ARFIP2: variants seen among roughly 807,000 people sequenced by gnomAD.
The protein encoded by ARFIP2 is arfaptin-2.
A neutral mutation model predicts 39.2 loss-of-function variants in ARFIP2; 14 were observed. That is an observed-to-expected ratio of 0.36 (90% CI 0.24 to 0.56). ARFIP2 has a LOEUF of 0.56. Among genes scored for constraint, ARFIP2 ranks in the 20% least tolerant of loss-of-function variants. The pLI, the probability that ARFIP2 is intolerant of heterozygous loss-of-function variation, is 0.85. For synonymous variants in ARFIP2, 167 were observed against 172.4 expected, an observed-to-expected ratio of 0.97 and a Z score of 0.24; for missense variants, 305 against 422.5, an observed-to-expected ratio of 0.72 and a Z score of 2.44.
chr11:6,480,743 AGG>A (rs1320967443), intron 1 of ARFIP2: 9 of 255,174 alleles, frequency 3.5e-5, no homozygotes, highest in Non-Finnish European at 6.8e-5. Flanking sequence ...ACTATGTGTC[AGG>A]CACTATTTGT....
chr11:6,480,115 G>T, intron 2 of ARFIP2, 47 bp from the exon 3 acceptor site: 1 of 1,550,656 alleles, frequency 6.4e-7, no homozygotes, highest in Non-Finnish European at 8.9e-7. Flanking sequence ...AGGGGCTGCA[G>T]AAGCATTTTG....
chr11:6,479,371 T>C (rs1219171872), intron 3 of ARFIP2, 113 bp from the exon 4 acceptor site: 2 of 1,600,736 alleles, frequency 1.2e-6, no homozygotes, highest in Admixed American at 1.7e-5. Flanking sequence ...AAGGAGATGC[T>C]AGAGACAACT....
intron 2 of ARFIP2, 74 bp downstream of exon 2, chr11:6,480,249 A>G: frequency 6.7e-7 from 1 of 1,486,264 alleles, no homozygotes; most frequent in Non-Finnish European, 9.3e-7. Context: ...GGCTACTGGA[A>G]TGGAGGGTGA....
chr11:6,477,850 A>T lies in ARFIP2; in HGVS notation c.738T>A (p.Ser246Arg). 1 of 1,613,716 alleles carries T rather than the reference A, an allele frequency of 6.2e-7. No individual in the cohort carries two copies. The highest frequency in any genetic ancestry group is 8.5e-7 in the Non-Finnish European group (1 of 1,179,906). The change falls in exon 7 of 8, where the codon AGT (serine) becomes AGA (arginine). Residue 246 changes from serine to arginine, a missense_variant. Ser to Arg is a moderately radical substitution (Grantham distance 110, BLOSUM62 -1). Transcript: ENST00000396777. This position sits in a 1 kb window ranked among gnomAD's most constrained non-coding sequence, Gnocchi z 4.8. ...DAYRTDLEELSLGPRDAGTRG... is the reference protein window; with the variant it reads ...DAYRTDLEELRLGPRDAGTRG... ...GTGTCCCTGCATCCCGGGGGCCTAG[A>T]CTCAGCTCCTCTAAGTCTGTTCGGT...
chr11:6,480,173 G>C, intron 2 of ARFIP2, 105 bp from the exon 3 acceptor site: 1 of 1,291,038 alleles, frequency 7.7e-7, no homozygotes, highest in African/African-American at 1.5e-5. Context: ...TAGTACACAA[G>C]GGAAGTCTGC....
Position 6,478,271 on chromosome 11 carries a change from C to T in ARFIP2, c.538-73G>A. 12 of 1,557,536 alleles carry T rather than the reference C, an allele frequency of 7.7e-6. No individual in the cohort carries two copies. The highest frequency in any genetic ancestry group is 1.1e-5 in the Non-Finnish European group (12 of 1,137,456). ...ACTGAAGCTGTAGAGCCCTTCATTC[C>T]CCTCCTCCCCGGGGAGGACACAGCC... On this transcript the variant is annotated intron_variant, in intron 5 of 7. Coordinates refer to ENST00000396777, the MANE Select transcript of ARFIP2 (RefSeq NM_001376558.2). The surrounding 1 kb of genome is among the most constrained non-coding windows in gnomAD (Gnocchi z 4.8).
Position 6,478,458 on chromosome 11 carries a change from G to T in ARFIP2, c.538-260C>A. The T allele has an allele frequency of 9.2e-7, 1 of 1,081,468 alleles. No individual in the cohort carries two copies. The highest frequency in any genetic ancestry group is 1.6e-5 in the African/African-American group (1 of 62,692). The allele number at this position is 1,081,468 out of a possible 1,614,324, so 67.0% of individuals were successfully genotyped here. On this transcript the variant is annotated intron_variant, in intron 5 of 7. Coordinates refer to ENST00000396777, the MANE Select transcript of ARFIP2 (RefSeq NM_001376558.2). This position sits in a 1 kb window ranked among gnomAD's most constrained non-coding sequence, Gnocchi z 4.8. ...TCTGAGAGCTAGTGTGGCAAGCAGG[G>T]GAGGGGCTCTGATTAGGCTGAGCAC... is the stretch of plus-strand genomic sequence containing the variant.
In ARFIP2 at chr11:6,477,701, G is replaced by A. The variant is rs769137536; in HGVS notation, c.870+17C>T. ...AGATGGAAAGGTGGGCTAGGGTCAA[G>A]GGGGTGGGGTTGGCACCTTGTTTTC... On this transcript the variant is annotated intron_variant, in intron 7 of 7. Transcript: ENST00000396777. This position sits in a 1 kb window ranked among gnomAD's most constrained non-coding sequence, Gnocchi z 4.8. The A allele has an allele frequency of 6.8e-6, 11 of 1,612,342 alleles. No individual in the cohort carries two copies. The East Asian group carries it at 1.3e-4, about 20-fold the overall frequency.
chr11:6,481,299 C>G lies in ARFIP2; in HGVS notation c.-111G>C, dbSNP rs1049867939. On this transcript the variant is annotated 5_prime_UTR_variant, in exon 1 of 8. Transcript: ENST00000396777. Reference sequence around the variant, plus strand: ...CGCGCGGGGACCTCGGGCTCCAGTTCCCGTCGCGATCCTAGCAGCAGGTCA... The same window carrying G: ...CGCGCGGGGACCTCGGGCTCCAGTTGCCGTCGCGATCCTAGCAGCAGGTCA... The G allele has an allele frequency of 1.1e-5, 8 of 707,476 alleles. No individual in the cohort carries two copies. The Admixed American group carries it at 2.1e-4, about 18-fold the overall frequency. The allele number at this position is 707,476 out of a possible 1,614,324, so 43.8% of individuals were successfully genotyped here. A position where few individuals can be genotyped will look rare whatever the true frequency, so the allele number is the denominator to read the frequency against.
rs753493186 is a variant in ARFIP2, at chr11:6,478,993, C to A, written c.316-34G>T. The A allele has an allele frequency of 1.2e-6, 2 of 1,607,058 alleles. No homozygotes were observed. Among genetic ancestry groups the A allele is most frequent in the South Asian group, 2.2e-5 (2 of 90,610 alleles). On this transcript the variant is annotated intron_variant, in intron 4 of 7. Transcript: ENST00000396777. The surrounding 1 kb of genome is among the most constrained non-coding windows in gnomAD (Gnocchi z 4.8). ...GAAATGGGGGAATAAATCAGAGACC[C>A]TAACAGCCTCCCCACACAACAGGTA... is the stretch of plus-strand genomic sequence containing the variant.
Position 6,480,389 on chromosome 11 carries a change from T to A in ARFIP2, c.33A>T (p.Thr11=). The change falls in exon 2 of 8, where the codon ACA becomes ACT. Residue 11 remains threonine (T), a synonymous_variant. Coordinates refer to ENST00000396777, the MANE Select transcript of ARFIP2 (RefSeq NM_001376558.2). Reference sequence around the variant, plus strand: ...CGTTCCCGTGGATAGGGATCTCCATTGTGGCTGCCTTCCCTAGGATCCCGT... The same window carrying A: ...CGTTCCCGTGGATAGGGATCTCCATAGTGGCTGCCTTCCCTAGGATCCCGT... MTDGILGKAA[T]MEIPIHGNGE... 1.2e-6 allele frequency: 2 copies of A among 1,613,424 alleles called. No individual in the cohort carries two copies. Among genetic ancestry groups the A allele is most frequent in the Non-Finnish European group, 1.7e-6 (2 of 1,179,708 alleles).
At chr11:6,480,611 C>A (rs1282635295) in intron 1 of ARFIP2, 148 bp from the exon 2 acceptor site, 4 of 532,320 alleles carry the variant, frequency 7.5e-6, no homozygotes, top group Non-Finnish European at 6.6e-6. Context: ...GTATTTCTCC[C>A]CTCCAAAACG....
Position 6,478,621 on chromosome 11 carries a change from TG to T in ARFIP2, c.537+116del. The T allele has an allele frequency of 6.7e-7, 1 of 1,492,996 alleles. No individual in the cohort carries two copies. The highest frequency in any genetic ancestry group is 8.9e-7 in the Non-Finnish European group (1 of 1,118,716). 92.5% of individuals were successfully genotyped at this position (1,492,996 alleles called of 1,614,324 possible). ...AGGTGAGTGCTGCTGGGGGTAGGGC[TG>T]GGCCCACCCTGAAGGGGTTCTCCCT... On this transcript the variant is annotated intron_variant, in intron 5 of 7. Coordinates refer to ENST00000396777, the MANE Select transcript of ARFIP2 (RefSeq NM_001376558.2). This position sits in a 1 kb window ranked among gnomAD's most constrained non-coding sequence, Gnocchi z 4.8.
chr11:6,479,010 C>T (rs1851426550), intron 4 of ARFIP2, 51 bp from the exon 5 acceptor site: 1 of 1,595,874 alleles, frequency 6.3e-7, no homozygotes, highest in African/African-American at 1.3e-5. Context: ...CCTCCCCACA[C>T]AACAGGTATC....
In ARFIP2 at chr11:6,477,002, G is replaced by A. The variant is rs770910058; in HGVS notation, c.*111C>T. The A allele has an allele frequency of 7.6e-7, 1 of 1,311,574 alleles. No individual in the cohort carries two copies. Among genetic ancestry groups the A allele is most frequent in the Non-Finnish European group, 1.0e-6 (1 of 981,496 alleles). The allele number at this position is 1,311,574 out of a possible 1,614,324, so 81.2% of individuals were successfully genotyped here. A position where few individuals can be genotyped will look rare whatever the true frequency, so the allele number is the denominator to read the frequency against. On this transcript the variant is annotated 3_prime_UTR_variant, in exon 8 of 8. Coordinates refer to ENST00000396777, the MANE Select transcript of ARFIP2 (RefSeq NM_001376558.2). This position sits in a 1 kb window ranked among gnomAD's most constrained non-coding sequence, Gnocchi z 4.8. ...GGTGTCAGGCCCCAGCCAGAAAAAG[G>A]AGCCCAAGCCAGAGGGCAAGTGACA...
rs779160718 is a variant in ARFIP2 at position 6,479,363 on chromosome 11, G to A, written c.197-105C>T. On this transcript the variant is annotated intron_variant, in intron 3 of 7. Coordinates refer to ENST00000396777, the MANE Select transcript of ARFIP2 (RefSeq NM_001376558.2). ...AGCACATGAAATTGACTTCCCTGAA[G>A]GAGATGCTAGAGACAACTGGATGCT... 9 of 1,603,944 alleles carry A rather than the reference G, an allele frequency of 5.6e-6. 1 individual carries two copies. In the East Asian group the frequency reaches 1.1e-4, roughly 20 times the overall value.
intron 1 of ARFIP2, chr11:6,480,665 G>A: frequency 2.3e-6 from 1 of 438,186 alleles, no homozygotes; most frequent in Non-Finnish European, 4.1e-6. Context: ...CTTCTCACAA[G>A]CCCCCAACCT....
chr11:6,480,141 T>C (rs1851565413), intron 2 of ARFIP2, 73 bp from the exon 3 acceptor site: 3 of 1,424,234 alleles, frequency 2.1e-6, no homozygotes, highest in East Asian at 4.6e-5. Flanking sequence ...GGGAACAAGT[T>C]TGGATTCAAG....
Position 6,478,946 on chromosome 11 carries a change from A to C in ARFIP2, c.329T>G (p.Leu110Arg), listed in dbSNP as rs762070550. 1.2e-6 allele frequency: 2 copies of C among 1,614,052 alleles called. No individual in the cohort carries two copies. The part of the protein sequence containing the change: ...GINTYKCTKQ[L>R]LSERFGRGSR... ...GCCTCGACCAAATCGTTCTGATAAC[A>C]GTTGCTTTGTGCACTGATTGGGAAA... Residue 110 changes from leucine (L) to arginine (R), a missense_variant, in exon 5 of 8, where the codon CTG (leucine) becomes CGG (arginine). Transcript: ENST00000396777. This position sits in a 1 kb window ranked among gnomAD's most constrained non-coding sequence, Gnocchi z 4.8.
Sources: gnomAD v4.1 joint callset for allele counts on GRCh38, gnomAD v4.1.1 for gene constraint, Gnocchi (gnomAD v3.1) non-coding constraint, MANE v1.5 for transcripts, NCBI Gene and HGNC (gene_info 2026-07-23, HGNC 2026-07-21) for gene names.